DCHS2: variants seen among roughly 807,000 people sequenced by gnomAD.
DCHS2 encodes the protein protocadherin-23.
Under a neutral mutation model 182.4 loss-of-function variants are expected in DCHS2, and 142 were observed. The observed-to-expected ratio is 0.78, with a 90% CI of 0.68 to 0.89. DCHS2 has a LOEUF of 0.89. Among genes scored for constraint, DCHS2 ranks in the 40% least tolerant of loss-of-function variants. The pLI is 0.00. For synonymous variants in DCHS2, 1,740 were observed against 1,663.3 expected, an observed-to-expected ratio of 1.05 and a Z score of -1.12; for missense variants, 4,319 against 4,198.6, an observed-to-expected ratio of 1.03 and a Z score of -0.79.
intron 1 of DCHS2, among the ~76,000 whole-genome samples, chr4:154,382,076 C>T (rs904276544): frequency 1.3e-5 from 2 of 151,902 alleles, no homozygotes; most frequent in Non-Finnish European, 2.9e-5. Flanking sequence ...GGTACTGGTA[C>T]GAAAACAGAA....
intron 14 of DCHS2, among the ~76,000 whole-genome samples, chr4:154,264,597 C>T (rs557810797): frequency 3.9e-5 from 6 of 152,134 alleles, no homozygotes; most frequent in East Asian, 1.9e-4. Context: ...CTTCTTAATG[C>T]GACAATGGGA....
At chr4:154,478,043 G>A (rs532197721) in intron 1 of DCHS2, among the ~76,000 whole-genome samples, 1 of 150,740 alleles carries the variant, frequency 6.6e-6, no homozygotes, top group South Asian at 2.1e-4. Context: ...TACACTAGGT[G>A]AAGCTTAAAA....
chr4:154,344,454 C>T (rs932192152), intron 3 of DCHS2, among the ~76,000 whole-genome samples: 2 of 152,214 alleles, frequency 1.3e-5, no homozygotes, highest in South Asian at 4.1e-4. Context: ...CATTCAGTCA[C>T]TTCCTTCATT....
At chr4:154,422,841 C>T (rs541287487) in intron 1 of DCHS2, among the ~76,000 whole-genome samples, 8 of 152,246 alleles carry the variant, frequency 5.3e-5, no homozygotes, top group African/African-American at 7.2e-5. Flanking sequence ...GGCCCCACTA[C>T]GCTTGTCCAG....
intron 1 of DCHS2, among the ~76,000 whole-genome samples, chr4:154,389,185 C>T (rs1169726320): frequency 3.3e-5 from 5 of 152,072 alleles, no homozygotes; most frequent in African/African-American, 1.2e-4. Context: ...ATGTCACTTT[C>T]AATTGTCATG....
At chr4:154,323,984 G>A (rs577610695) in intron 7 of DCHS2, among the ~76,000 whole-genome samples, 1 of 152,138 alleles carries the variant, frequency 6.6e-6, no homozygotes, top group African/African-American at 2.4e-5. Context: ...GTATTAGCTG[G>A]AATATTTCAA....
At chr4:154,410,131 C>T (rs1256522363) in intron 1 of DCHS2, among the ~76,000 whole-genome samples, 2 of 151,912 alleles carry the variant, frequency 1.3e-5, no homozygotes, top group Admixed American at 1.3e-4. Flanking sequence ...AAACATGATA[C>T]CACCAAAAGA....
chr4:154,397,766 G>T lies in DCHS2; in HGVS notation c.2053-20322C>A, dbSNP rs148083241. Among the ~76,000 whole-genome samples, 949 of 152,262 alleles carry T rather than the reference G, an allele frequency of 6.2e-3. 10 individuals are homozygous for T. The highest frequency in any genetic ancestry group is 0.011 in the Non-Finnish European group (728 of 68,018). On this transcript the variant is annotated intron_variant, in intron 1 of 19. Coordinates refer to ENST00000357232, the MANE Select transcript of DCHS2 (RefSeq NM_001358235.2). ...TTCCTGAGACCCAGATTTCCCATTT[G>T]TCAATGAATTCCGAAGGGCTCCTTT...
chr4:154,352,582 T>C (rs1213729694), intron 3 of DCHS2: 1 of 152,178 alleles, frequency 6.6e-6, no homozygotes, highest in African/African-American at 2.4e-5. Flanking sequence ...AATTTATATC[T>C]TACAGACCGT....
Position 154,240,482 on chromosome 4 carries a change from T to C in DCHS2, c.7359+55A>G, listed in dbSNP as rs1042536833. ...TATCGGCGATGGAAGACTTACATTATTCTCTATTCTTTCTAGTTTTGGCTT... is the reference window on the plus strand; with the variant it reads ...TATCGGCGATGGAAGACTTACATTACTCTCTATTCTTTCTAGTTTTGGCTT... On this transcript the variant is annotated intron_variant, in intron 18 of 19. Coordinates refer to ENST00000357232, the MANE Select transcript of DCHS2 (RefSeq NM_001358235.2). 11 of 1,578,848 alleles carry C rather than the reference T, an allele frequency of 7.0e-6. No individual in the cohort carries two copies. In the East Asian group the frequency reaches 2.5e-4, roughly 36 times the overall value.
At chr4:154,275,531 G>A (rs1733814567) in intron 13 of DCHS2, among the ~76,000 whole-genome samples, 1 of 152,028 alleles carries the variant, frequency 6.6e-6, no homozygotes, top group Non-Finnish European at 1.5e-5. Context: ...GAGACATATT[G>A]TTAATATAAA....
intron 3 of DCHS2, among the ~76,000 whole-genome samples, chr4:154,341,368 C>CAAA (rs369958308): frequency 1.7e-4 from 10 of 58,568 alleles, no homozygotes; most frequent in Middle Eastern, 0.01. Flanking sequence ...GACTCTGTCT[C>CAAA]AAAAAAAAAA....
In DCHS2 at chr4:154,315,337, T is replaced by C. The variant is rs568475097; in HGVS notation, c.5260+411A>G. Among the ~76,000 whole-genome samples, 5 of 152,256 alleles carry C rather than the reference T, an allele frequency of 3.3e-5. No homozygotes were observed. The South Asian group carries it at 1.0e-3, about 32-fold the overall frequency. ...TAGTTTTGGATTCAAATCTAGGCAGTCTGACACCAGCACCATGCCTCTTCC... is the reference window on the plus strand; with the variant it reads ...TAGTTTTGGATTCAAATCTAGGCAGCCTGACACCAGCACCATGCCTCTTCC... On this transcript the variant is annotated intron_variant, in intron 10 of 19. Transcript: ENST00000357232.
Position 154,298,491 on chromosome 4 carries a change from AGAG to A in DCHS2, c.5820_5822del (p.Ser1941del). On this transcript the variant is annotated inframe_deletion, in exon 13 of 20. Coordinates refer to ENST00000357232, the MANE Select transcript of DCHS2 (RefSeq NM_001358235.2). Reference sequence around the variant, plus strand: ...TTCCCACTTCAGCATCTTCTCTCACAGAGGACTGGTAATAAAGTGTGGGAAAAG... The same window carrying A: ...TTCCCACTTCAGCATCTTCTCTCACAGACTGGTAATAAAGTGTGGGAAAAG... The A allele has an allele frequency of 6.2e-7, 1 of 1,614,152 alleles. No individual in the cohort carries two copies. Among genetic ancestry groups the A allele is most frequent in the Non-Finnish European group, 8.5e-7 (1 of 1,180,000 alleles).
rs112251336 is a variant in DCHS2, at chr4:154,322,536, A to G, written c.4019-48T>C. ...AAATGAATGTTAATTGACAATGCAGAAAACAGAAAATCAATTAATCCAATA... is the reference window on the plus strand; with the variant it reads ...AAATGAATGTTAATTGACAATGCAGGAAACAGAAAATCAATTAATCCAATA... On this transcript the variant is annotated intron_variant, in intron 7 of 19. Coordinates refer to ENST00000357232, the MANE Select transcript of DCHS2 (RefSeq NM_001358235.2). The G allele has an allele frequency of 1.2e-5, 19 of 1,539,998 alleles. No individual in the cohort carries two copies. In the African/African-American group the frequency reaches 1.8e-4, roughly 14 times the overall value.
intron 1 of DCHS2, among the ~76,000 whole-genome samples, chr4:154,444,586 C>T (rs138848742): frequency 1.3e-5 from 2 of 152,310 alleles, no homozygotes; most frequent in African/African-American, 4.8e-5. Context: ...ATTACTGCAA[C>T]AGCCTCTTCA....
intron 2 of DCHS2, among the ~76,000 whole-genome samples, chr4:154,375,972 C>G (rs1160950491): frequency 6.6e-6 from 1 of 152,004 alleles, no homozygotes; most frequent in Non-Finnish European, 1.5e-5. Flanking sequence ...AGAAACTCGA[C>G]AGAAACACAT....
intron 1 of DCHS2, among the ~76,000 whole-genome samples, chr4:154,488,902 C>CTGTGTG (rs35075104): frequency 3.7e-4 from 23 of 62,254 alleles, no homozygotes; most frequent in African/African-American, 1.2e-3. Flanking sequence ...GTGTGTGTGT[C>CTGTGTG]TGTGTGTGTG....
chr4:154,288,214 A>C (rs1734495376), intron 13 of DCHS2, among the ~76,000 whole-genome samples: 1 of 152,140 alleles, frequency 6.6e-6, no homozygotes, highest in African/African-American at 2.4e-5. Flanking sequence ...CACAGACTGA[A>C]AATAAAGAGC....
Sources: allele counts gnomAD v4.1 joint callset (sites outside exome capture counted in the v4.1 genomes callset), GRCh38; gene constraint gnomAD v4.1.1; transcripts MANE v1.5; gene names NCBI Gene and HGNC (gene_info 2026-07-23, HGNC 2026-07-21).